Variants in TMEM131 observed in about 807,000 individuals in gnomAD.
TMEM131 encodes the protein 2610524E03Rik.
Under a neutral mutation model 211.6 loss-of-function variants are expected in TMEM131, and 66 were observed. The observed-to-expected ratio is 0.31, with a 90% confidence interval of 0.26 to 0.38. TMEM131 has a LOEUF of 0.38. Among genes scored for constraint, TMEM131 ranks in the 10% least tolerant of loss-of-function variants. TMEM131 has a pLI of 1.00. For synonymous variants in TMEM131, 844 were observed against 841.3 expected, an observed-to-expected ratio of 1.00 and a Z score of -0.06; for missense variants, 2,036 against 2,299.3, an observed-to-expected ratio of 0.89 and a Z score of 2.34.
chr2:97,940,125 C>T (rs1677648692), intron 1 of TMEM131, among the ~76,000 whole-genome samples: 1 of 152,280 alleles, frequency 6.6e-6, no homozygotes, highest in East Asian at 1.9e-4. Flanking sequence ...GACAGGGATG[C>T]CCTCTCTCAC....
At chr2:97,772,633 T>C (rs910928698) in intron 32 of TMEM131, among the ~76,000 whole-genome samples, 2 of 152,244 alleles carry the variant, frequency 1.3e-5, no homozygotes, top group African/African-American at 4.8e-5. Context: ...CGGTGGCGCA[T>C]GCCTGTAATC....
chr2:97,956,509 A>G (rs1251491554), intron 1 of TMEM131, among the ~76,000 whole-genome samples: 1 of 152,216 alleles, frequency 6.6e-6, no homozygotes, highest in African/African-American at 2.4e-5. Context: ...TTTTTCAAGG[A>G]AAGTTTATAA....
At chr2:97,785,473 T>A (rs1330926868) in intron 31 of TMEM131, among the ~76,000 whole-genome samples, 1 of 152,066 alleles carries the variant, frequency 6.6e-6, no homozygotes, top group African/African-American at 2.4e-5. Context: ...CACAAAGAGG[T>A]ATCACTACAC....
intron 3 of TMEM131, among the ~76,000 whole-genome samples, chr2:97,894,546 T>C (rs1019484989): frequency 3.9e-5 from 6 of 152,238 alleles, no homozygotes; most frequent in African/African-American, 1.4e-4. Context: ...TTGTGTCCTC[T>C]CTTAATTTCC....
intron 4 of TMEM131, among the ~76,000 whole-genome samples, chr2:97,882,165 CTTTG>C (rs1295554573): frequency 1.3e-5 from 2 of 152,176 alleles, no homozygotes; most frequent in Non-Finnish European, 2.9e-5. Flanking sequence ...TTAGGAACCT[CTTTG>C]TTTGTATCTA....
intron 5 of TMEM131, among the ~76,000 whole-genome samples, chr2:97,854,980 T>C (rs1673777628): frequency 1.3e-5 from 2 of 152,182 alleles, no homozygotes; most frequent in African/African-American, 4.8e-5. Flanking sequence ...TGTAACATCT[T>C]CTAAGATCTT....
At chr2:97,868,571 A>T (rs1674364357) in intron 4 of TMEM131, among the ~76,000 whole-genome samples, 2 of 152,032 alleles carry the variant, frequency 1.3e-5, no homozygotes, top group African/African-American at 2.4e-5. Context: ...CCCACAGGAG[A>T]GTTTCTCTGC....
At position 97,793,378 on chromosome 2, in the gene TMEM131, C is replaced by T; in HGVS notation, c.3545+17G>A. 1 of 1,597,920 alleles carries T rather than the reference C, an allele frequency of 6.3e-7. No individual in the cohort carries two copies. The highest frequency in any genetic ancestry group is 8.5e-7 in the Non-Finnish European group (1 of 1,169,628). On this transcript the variant is annotated intron_variant, in intron 30 of 40. Coordinates refer to ENST00000186436, the MANE Select transcript of TMEM131 (RefSeq NM_015348.2). ...TCTATGTACACTAGGGAATTTATTG[C>T]CAGCATGTGAACATACTTTCCTTCA...
At chr2:97,973,368 G>C (rs1165381114) in intron 1 of TMEM131, among the ~76,000 whole-genome samples, 2 of 152,172 alleles carry the variant, frequency 1.3e-5, no homozygotes, top group Non-Finnish European at 2.9e-5. Flanking sequence ...AAGGACATGG[G>C]AAACAAACAA....
At chr2:97,761,198 T>G in intron 36 of TMEM131, 2 of 311,054 alleles carry the variant, frequency 6.4e-6, no homozygotes, top group Non-Finnish European at 1.2e-5. Context: ...CACACTTTTG[T>G]GAAGAATGCT....
intron 5 of TMEM131, among the ~76,000 whole-genome samples, chr2:97,858,133 A>G (rs1410035674): frequency 1.3e-5 from 2 of 152,202 alleles, no homozygotes; most frequent in Non-Finnish European, 2.9e-5. Context: ...AGAAATGTAA[A>G]CATCAAATAA....
chr2:97,995,533 C>G lies in TMEM131; in HGVS notation c.130G>C (p.Gly44Arg). 1 of 1,355,960 alleles carries G rather than the reference C, an allele frequency of 7.4e-7. No homozygotes were observed. Among genetic ancestry groups the G allele is most frequent in the African/African-American group, 1.5e-5 (1 of 65,828 alleles). 84.0% of individuals were successfully genotyped at this position (1,355,960 alleles called of 1,614,324 possible). ...GPRSAAAGLLGALHLVMTLVV... is the reference protein window; with the variant it reads ...GPRSAAAGLLRALHLVMTLVV... ...AGGGTCATCACCAGGTGCAGCGCGC[C>G]TAGGAGGCCGGCGGCCGCGCTCCGC... Residue 44 changes from glycine (G) to arginine (R), a missense_variant, in exon 1 of 41, where the codon GGC becomes CGC. By Grantham distance (125) the Gly-to-Arg change is moderately radical. Around this residue, in one of 3 missense-constraint regions of TMEM131, gnomAD observed 136 missense variants for 115.4 expected, o/e 1.18. Transcript: ENST00000186436.
chr2:97,788,584 C>T lies in TMEM131; in HGVS notation c.4144+3802G>A, dbSNP rs185738022. The stretch of plus-strand genomic sequence containing the variant: ...TACCAAACTGGGTCTCGGCCCACTC[C>T]ACCACCTGGGCACATGGTTTCACCA... On this transcript the variant is annotated intron_variant, in intron 31 of 40. Transcript: ENST00000186436. Among the ~76,000 whole-genome samples, 246 of 152,308 alleles carry T rather than the reference C, an allele frequency of 1.6e-3. 1 individual carries two copies. The highest frequency in any genetic ancestry group is 4.9e-3 in the African/African-American group (202 of 41,562).
At chr2:97,827,841 G>A (rs1682474301) in intron 11 of TMEM131, among the ~76,000 whole-genome samples, 1 of 152,002 alleles carries the variant, frequency 6.6e-6, no homozygotes, top group Admixed American at 6.6e-5. Flanking sequence ...CATAGATGGG[G>A]GGTTAGTTTT....
At chr2:97,837,544 T>C (rs1463612483) in intron 7 of TMEM131, among the ~76,000 whole-genome samples, 1 of 152,198 alleles carries the variant, frequency 6.6e-6, no homozygotes, top group Non-Finnish European at 1.5e-5. Flanking sequence ...TATCCATACA[T>C]TTATAACAAG....
intron 3 of TMEM131, among the ~76,000 whole-genome samples, chr2:97,906,113 C>T (rs749771338): frequency 1.1e-4 from 16 of 152,136 alleles, no homozygotes; most frequent in Non-Finnish European, 2.1e-4. Flanking sequence ...GTTAGTGGTC[C>T]ATATGGTTAT....
chr2:97,760,569 G>C, intron 38 of TMEM131, 24 bp downstream of exon 38: 2 of 1,593,244 alleles, frequency 1.3e-6, no homozygotes, highest in Non-Finnish European at 1.7e-6. Context: ...CGTCTTTCTA[G>C]CGGTTAGTGG....
intron 31 of TMEM131, among the ~76,000 whole-genome samples, chr2:97,780,553 A>C (rs905156010): frequency 6.6e-6 from 1 of 152,212 alleles, no homozygotes; most frequent in African/African-American, 2.4e-5. Context: ...GATAAAGTTC[A>C]AATTTGGATT....
intron 5 of TMEM131, among the ~76,000 whole-genome samples, chr2:97,851,918 A>G (rs1474434602): frequency 6.6e-6 from 1 of 152,128 alleles, no homozygotes; most frequent in Non-Finnish European, 1.5e-5. Context: ...CACATCTCTC[A>G]CTTTAACCCA....
Sources: gnomAD v4.1 joint callset for allele counts (sites outside exome capture counted in the v4.1 genomes callset) on GRCh38, gnomAD v4.1.1 for gene constraint, gnomAD v4.1.1 regional missense constraint, MANE v1.5 for transcripts, NCBI Gene and HGNC (gene_info 2026-07-23, HGNC 2026-07-21) for gene names.